The following DPP10 variants were observed in gnomAD, a reference collection of about 807,000 sequenced individuals.
DPP10 encodes the protein dipeptidyl peptidase like 10.
DPP10 carries 33 observed loss-of-function variants against 120.9 expected under a neutral mutation model. The ratio of observed to expected loss-of-function variants is 0.27; its 90% CI spans 0.21 to 0.37. The LOEUF is 0.37. Ranked by LOEUF, DPP10 falls within the 10% of genes least tolerant of loss-of-function variation. The probability of loss-of-function intolerance (pLI) is 1.00; values close to 1 mark genes in which losing one functional copy is unlikely to be tolerated. For missense variants in DPP10, 816 were observed against 942.8 expected, an observed-to-expected ratio of 0.87 and a Z score of 1.76; for synonymous variants, 337 against 326.1, an observed-to-expected ratio of 1.03 and a Z score of -0.36.
At chr2:114,901,753 A>G (rs1389955191) in intron 1 of DPP10, among the ~76,000 whole-genome samples, 2 of 152,208 alleles carry the variant, frequency 1.3e-5, no homozygotes, top group Non-Finnish European at 2.9e-5. Context: ...ACCAGGGCAG[A>G]GCTTTCAGTG....
intron 19 of DPP10, among the ~76,000 whole-genome samples, chr2:115,798,187 G>A (rs192122689): frequency 2.0e-4 from 30 of 151,752 alleles, no homozygotes; most frequent in African/African-American, 7.0e-4. Context: ...ATTGAACTTC[G>A]TAATTTACAA....
intron 3 of DPP10, among the ~76,000 whole-genome samples, chr2:115,352,809 G>T (rs559399870): frequency 6.6e-6 from 1 of 152,072 alleles, no homozygotes; most frequent in Non-Finnish European, 1.5e-5. Flanking sequence ...CAATTACGAT[G>T]AAGTTTTATT....
chr2:114,954,531 A>G (rs1698062238), intron 1 of DPP10, among the ~76,000 whole-genome samples: 1 of 152,092 alleles, frequency 6.6e-6, no homozygotes, highest in Non-Finnish European at 1.5e-5. Flanking sequence ...AAACAACCTA[A>G]CATTACACCT....
intron 1 of DPP10, among the ~76,000 whole-genome samples, chr2:115,088,663 C>G (rs971461594): frequency 7.0e-6 from 1 of 142,128 alleles, no homozygotes; most frequent in African/African-American, 2.6e-5. Context: ...CCAGGCTGGT[C>G]TCAAATTCCT....
intron 1 of DPP10, among the ~76,000 whole-genome samples, chr2:115,254,556 A>G (rs1574180298): frequency 6.6e-6 from 1 of 152,204 alleles, no homozygotes; most frequent in South Asian, 2.1e-4. Flanking sequence ...TTCCAACATT[A>G]ACCCGGAAAG....
chr2:114,992,394 T>C (rs535125195), intron 1 of DPP10, among the ~76,000 whole-genome samples: 1 of 152,288 alleles, frequency 6.6e-6, no homozygotes, highest in African/African-American at 2.4e-5. Context: ...AAATTCATGA[T>C]TGTCAGCCTC....
chr2:115,454,110 T>C (rs1408924641), intron 3 of DPP10, among the ~76,000 whole-genome samples: 1 of 151,526 alleles, frequency 6.6e-6, no homozygotes, highest in African/African-American at 2.4e-5. Flanking sequence ...GCCCTCTATC[T>C]CATGGCCTTA....
chr2:115,468,462 T>C (rs1449591276), intron 3 of DPP10: 1 of 437,890 alleles, frequency 2.3e-6, no homozygotes, highest in Non-Finnish European at 4.5e-6. Flanking sequence ...CACAGAGGCA[T>C]CTTTTATTAA....
At chr2:114,797,682 A>T (rs1328956464) in intron 1 of DPP10, among the ~76,000 whole-genome samples, 1 of 152,220 alleles carries the variant, frequency 6.6e-6, no homozygotes, top group African/African-American at 2.4e-5. Flanking sequence ...TAAAGAAATG[A>T]CTTCATAAAT....
chr2:115,181,908 G>A (rs532312331), intron 1 of DPP10, among the ~76,000 whole-genome samples: 1 of 152,196 alleles, frequency 6.6e-6, no homozygotes, highest in Non-Finnish European at 1.5e-5. Flanking sequence ...GCGATGTCAT[G>A]ATGTCAGTGC....
Position 115,570,973 on chromosome 2 carries a change from CGGT to C in DPP10, c.441+45004_441+45006del, listed in dbSNP as rs2081304299. Among the ~76,000 whole-genome samples the C allele has an allele frequency of 2.6e-5, 4 of 152,234 alleles. No individual in the cohort carries two copies. The South Asian group carries it at 8.3e-4, about 32-fold the overall frequency. ...ACCACCACAGGACGGAGAGGGGAGT[CGGT>C]GGGCATTAACCACAGTGTAAATCAG... On this transcript the variant is annotated intron_variant, in intron 5 of 25. Coordinates refer to ENST00000410059, the MANE Select transcript of DPP10 (RefSeq NM_020868.6).
chr2:115,277,303 G>A (rs558429237), intron 1 of DPP10, among the ~76,000 whole-genome samples: 13 of 152,230 alleles, frequency 8.5e-5, no homozygotes, highest in Admixed American at 6.5e-4. Context: ...AGGCAGTCAA[G>A]TGCAATGGCA....
chr2:115,298,168 A>C (rs1379466409), intron 1 of DPP10, among the ~76,000 whole-genome samples: 2 of 152,108 alleles, frequency 1.3e-5, no homozygotes, highest in African/African-American at 4.8e-5. Context: ...AATGAGTGTG[A>C]AATAGTCTCT....
chr2:115,708,041 A>G (rs1313910340), intron 7 of DPP10, among the ~76,000 whole-genome samples: 3 of 151,998 alleles, frequency 2.0e-5, no homozygotes, highest in East Asian at 3.9e-4. Context: ...TCTGAAGTGT[A>G]TGTCAGCAGC....
At chr2:115,585,117 G>A (rs1430444343) in intron 5 of DPP10, among the ~76,000 whole-genome samples, 1 of 152,118 alleles carries the variant, frequency 6.6e-6, no homozygotes, top group Non-Finnish European at 1.5e-5. Flanking sequence ...ACAGAAATTG[G>A]TAGTTAAGAA....
chr2:115,506,356 A>C (rs1418174353), intron 4 of DPP10, among the ~76,000 whole-genome samples: 1 of 152,118 alleles, frequency 6.6e-6, no homozygotes, highest in East Asian at 1.9e-4. Flanking sequence ...GCTAGAAAGC[A>C]TTTTCCCTGT....
At chr2:115,369,681 G>A (rs1436710506) in intron 3 of DPP10, among the ~76,000 whole-genome samples, 3 of 152,080 alleles carry the variant, frequency 2.0e-5, no homozygotes, top group South Asian at 2.1e-4. Context: ...TAGAGCTTTA[G>A]TAGGGTTTTC....
At chr2:115,139,573 T>A (rs2050811992) in intron 1 of DPP10, among the ~76,000 whole-genome samples, 1 of 151,920 alleles carries the variant, frequency 6.6e-6, no homozygotes. Flanking sequence ...GGGCTGAGTA[T>A]CAATGGTTAC....
chr2:114,678,395 A>G (rs1698806026), intron 1 of DPP10, among the ~76,000 whole-genome samples: 1 of 152,050 alleles, frequency 6.6e-6, no homozygotes, highest in African/African-American at 2.4e-5. Context: ...TTCTGTGGGA[A>G]AAGTTCTATG....
Sources: allele counts gnomAD v4.1 joint callset (sites outside exome capture counted in the v4.1 genomes callset), GRCh38; gene constraint gnomAD v4.1.1; transcripts MANE v1.5; gene names NCBI Gene and HGNC (gene_info 2026-07-23, HGNC 2026-07-21).